TVP23A: variants seen among roughly 807,000 people sequenced by gnomAD.
TVP23A encodes the protein trans-golgi network vesicle protein 23 homolog A, also known as Golgi apparatus membrane protein TVP23 homolog A.
A neutral mutation model predicts 31.7 loss-of-function variants in TVP23A; 21 were observed. The observed-to-expected ratio is 0.66, with a 90% CI of 0.47 to 0.95. The LOEUF (loss-of-function observed/expected upper bound fraction) is 0.95, where lower values mean the gene tolerates loss of function less well. Among genes scored for constraint, TVP23A ranks in the 40% least tolerant of loss-of-function variants. The pLI, the probability that TVP23A is intolerant of heterozygous loss-of-function variation, is 0.00. For synonymous variants in TVP23A, 104 were observed against 96.0 expected (o/e 1.08, Z -0.49); for missense variants, 279 against 255.6 (o/e 1.09, Z -0.62).
At chr16:10,790,713 G>T (rs1009595754) in intron 2 of TVP23A, among the ~76,000 whole-genome samples, 1 of 152,124 alleles carries the variant, frequency 6.6e-6, no homozygotes, top group Non-Finnish European at 1.5e-5. Flanking sequence ...GTTTGTAGGG[G>T]TCCTATCCAG....
At chr16:10,764,061 TCAGCCCACTGGAGCATCC>T (rs2030453398), downstream of TVP23A, among the ~76,000 whole-genome samples, 5 of 151,518 alleles carry the variant, frequency 3.3e-5, no homozygotes, top group South Asian at 8.3e-4. Flanking sequence ...AAGGAGCATC[TCAGCCCACTGGAGCATCC>T]CAGCCCAAGG....
chr16:10,785,111 A>T (rs1389836821), intron 2 of TVP23A, among the ~76,000 whole-genome samples: 2 of 145,322 alleles, frequency 1.4e-5, no homozygotes, highest in African/African-American at 5.1e-5. Flanking sequence ...AAAAAAAAAA[A>T]AAATAGAGCC....
rs752635308 is a variant in TVP23A, at chr16:10,767,911, C to G, written c.*1191G>C. The G allele has an allele frequency of 6.3e-7, 1 of 1,596,186 alleles. No individual in the cohort carries two copies. The highest frequency in any genetic ancestry group is 8.6e-7 in the Non-Finnish European group (1 of 1,163,850). On this transcript the variant is annotated 3_prime_UTR_variant, in exon 8 of 8. Transcript: ENST00000299866. The surrounding 1 kb of genome is among the most constrained non-coding windows in gnomAD (Gnocchi z 4.6). ...GATCTTGTGGCCATTCTGTTTTCCT[C>G]TTGGACTGAATTGTCTTCCGTTTGT...
At chr16:10,761,304 C>T (rs1267659325) in exon 9 of TVP23A, 2 of 1,504,350 alleles carry the variant, frequency 1.3e-6, no homozygotes, top group Non-Finnish European at 9.2e-7. Flanking sequence ...CCCTCGGTTG[C>T]ACAGACATTC....
At chr16:10,787,809 A>T (rs1357954271) in intron 2 of TVP23A, among the ~76,000 whole-genome samples, 1 of 152,044 alleles carries the variant, frequency 6.6e-6, no homozygotes, top group Non-Finnish European at 1.5e-5. Flanking sequence ...TCTTCTTGGC[A>T]TGAGATGACA....
At chr16:10,761,115 G>C (rs1900937758), downstream of TVP23A, 2 of 380,364 alleles carry the variant, frequency 5.3e-6, no homozygotes, top group Non-Finnish European at 9.8e-6. Flanking sequence ...ACCAGCATGG[G>C]GGAAACTGCC....
Position 10,779,952 on chromosome 16 carries a change from G to C in TVP23A, c.90-4856C>G, listed in dbSNP as rs1416251989. 6.6e-6 allele frequency among the ~76,000 whole-genome samples: 1 copy of C among 152,020 alleles called. No homozygotes were observed. The highest frequency in any genetic ancestry group is 2.4e-5 in the African/African-American group (1 of 41,384). ...AAAAATACAAAAATTAGCGGGTGTG[G>C]TGGTGCACGCCTATAATTCCAGCTA... On this transcript the variant is annotated intron_variant, in intron 2 of 7. Coordinates refer to ENST00000299866, the MANE Select transcript of TVP23A (RefSeq NM_001079512.4). This position sits in a 1 kb window ranked among gnomAD's most constrained non-coding sequence, Gnocchi z 4.9.
At position 10,767,434 on chromosome 16, in the gene TVP23A, C is replaced by A; in HGVS notation, c.*1668G>T. 2.5e-6 allele frequency: 1 copy of A among 400,164 alleles called. No individual in the cohort carries two copies. Among genetic ancestry groups the A allele is most frequent in the South Asian group, 1.3e-4 (1 of 7,484 alleles). The allele number at this position is 400,164 out of a possible 1,614,324, so 24.8% of individuals were successfully genotyped here. A position where few individuals can be genotyped will look rare whatever the true frequency, so the allele number is the denominator to read the frequency against. On this transcript the variant is annotated 3_prime_UTR_variant, in exon 8 of 8. Coordinates refer to ENST00000299866, the MANE Select transcript of TVP23A (RefSeq NM_001079512.4). This position sits in a 1 kb window ranked among gnomAD's most constrained non-coding sequence, Gnocchi z 4.6. ...AAAGCAGCAGGCAGAATGTGTGTGTCATGTGCTCCCATTCGTATTTTAGGT... is the reference window on the plus strand; with the variant it reads ...AAAGCAGCAGGCAGAATGTGTGTGTAATGTGCTCCCATTCGTATTTTAGGT...
At chr16:10,799,587 G>A (rs1415113891) in intron 2 of TVP23A, among the ~76,000 whole-genome samples, 1 of 152,238 alleles carries the variant, frequency 6.6e-6, no homozygotes, top group Non-Finnish European at 1.5e-5. Flanking sequence ...TCTCATCTCT[G>A]CCTCCCAAAA....
downstream of TVP23A, chr16:10,758,049 G>T: frequency 6.2e-7 from 1 of 1,609,964 alleles, no homozygotes; most frequent in Non-Finnish European, 8.5e-7. Context: ...GCCAGCTGGA[G>T]CTGGGTCCAA....
intron 2 of TVP23A, among the ~76,000 whole-genome samples, chr16:10,785,265 T>G (rs1596523920): frequency 6.7e-6 from 1 of 148,814 alleles, no homozygotes. Context: ...TTAGCCAGGT[T>G]TGGTGGCGGA....
chr16:10,784,096 A>T (rs1323025691), intron 2 of TVP23A, among the ~76,000 whole-genome samples: 2 of 152,054 alleles, frequency 1.3e-5, no homozygotes, highest in African/African-American at 4.8e-5. Flanking sequence ...GCACTTTGGG[A>T]GGCCTAGGGG....
At chr16:10,813,999 CAAAAAAAAAAAAAA>C (rs201277067) in intron 2 of TVP23A, among the ~76,000 whole-genome samples, 718 of 49,540 alleles carry the variant, frequency 0.014, 8 homozygotes, top group Non-Finnish European at 0.021. Flanking sequence ...AACTCCATCT[CAAAAAAAAAAAAAA>C]AAAAAAAAAA....
intron 2 of TVP23A, chr16:10,775,677 C>A (rs1022114891): frequency 5.6e-6 from 2 of 354,190 alleles, no homozygotes; most frequent in Non-Finnish European, 7.9e-6. Flanking sequence ...TGCCTTTAGA[C>A]ACAAACCTGG....
At chr16:10,801,998 CAAAA>C (rs947903237) in intron 2 of TVP23A, among the ~76,000 whole-genome samples, 1 of 151,434 alleles carries the variant, frequency 6.6e-6, no homozygotes. Context: ...CTTGTTTCTA[CAAAA>C]AATAAAAAAT....
At chr16:10,803,770 T>G (rs4780324) in intron 2 of TVP23A, among the ~76,000 whole-genome samples, 8 of 151,786 alleles carry the variant, frequency 5.3e-5, no homozygotes, top group African/African-American at 1.7e-4. Context: ...TGGGTAGACA[T>G]TGGGGTTGTG....
At chr16:10,771,303 G>C (rs2031599733) in intron 6 of TVP23A, among the ~76,000 whole-genome samples, 1 of 152,188 alleles carries the variant, frequency 6.6e-6, no homozygotes, top group African/African-American at 2.4e-5. Context: ...CACTTTGGGA[G>C]GCCAAGGCAG....
intron 2 of TVP23A, among the ~76,000 whole-genome samples, chr16:10,780,480 A>G (rs2032356843): frequency 6.6e-6 from 1 of 152,178 alleles, no homozygotes; most frequent in African/African-American, 2.4e-5. Flanking sequence ...TGGCTCTCTC[A>G]GCTTTTAATA....
chr16:10,793,895 T>C (rs1244858212), intron 2 of TVP23A, among the ~76,000 whole-genome samples: 2 of 90,442 alleles, frequency 2.2e-5, no homozygotes, highest in African/African-American at 1.0e-4. Flanking sequence ...TGAGACCCTG[T>C]CTCACCAAAA....
Sources: allele counts gnomAD v4.1 joint callset (sites outside exome capture counted in the v4.1 genomes callset), GRCh38; gene constraint gnomAD v4.1.1; non-coding constraint Gnocchi (gnomAD v3.1); transcripts MANE v1.5; gene names NCBI Gene and HGNC (gene_info 2026-07-23, HGNC 2026-07-21).